SLC16A7: variants seen among roughly 807,000 people sequenced by gnomAD.
SLC16A7 encodes monocarboxylate transporter 2.
A neutral mutation model predicts 34.9 loss-of-function variants in SLC16A7; 33 were observed. The observed-to-expected ratio is 0.94, with a 90% CI of 0.72 to 1.26. The LOEUF (loss-of-function observed/expected upper bound fraction) is 1.26, where lower values mean the gene tolerates loss of function less well. Among genes scored for constraint, SLC16A7 ranks in the 50% most tolerant of loss-of-function variants. The pLI is 0.00. For missense variants in SLC16A7, 573 were observed against 578.1 expected, an observed-to-expected ratio of 0.99 and a Z score of 0.09; for synonymous variants, 201 against 206.6, an observed-to-expected ratio of 0.97 and a Z score of 0.23.
intron 1 of SLC16A7, among the ~76,000 whole-genome samples, chr12:59,604,270 T>C (rs1878829388): frequency 6.6e-6 from 1 of 152,268 alleles, no homozygotes; most frequent in Non-Finnish European, 1.5e-5. Context: ...TATAGCGATC[T>C]ACCTCTGGGA....
chr12:59,751,444 A>G (rs1410167460), intron 3 of SLC16A7, among the ~76,000 whole-genome samples: 2 of 152,226 alleles, frequency 1.3e-5, no homozygotes, highest in Non-Finnish European at 2.9e-5. Flanking sequence ...GTGCACCAGG[A>G]GATTATATCC....
intron 3 of SLC16A7, among the ~76,000 whole-genome samples, chr12:59,730,833 C>A (rs1266554906): frequency 6.6e-6 from 1 of 152,120 alleles, no homozygotes; most frequent in African/African-American, 2.4e-5. Context: ...AAGAAAGTTT[C>A]ATGGTCTCTG....
rs1172823800 is a variant in SLC16A7 at position 59,775,149 on chromosome 12, TG to T, written c.855del (p.Leu286TyrfsTer15). Reference sequence around the variant, plus strand: ...ATTGATGAGTACTCGGCAGCTTTTCTGCTATCTGTTATGGCTTTCGTTGATA... The same window carrying T: ...ATTGATGAGTACTCGGCAGCTTTTCTCTATCTGTTATGGCTTTCGTTGATA... ...QGIDEYSAAF[L>X]LSVMAFVDMF... On this transcript the variant is annotated frameshift_variant, in exon 5 of 6. Transcript: ENST00000547379. LOFTEE classifies it high-confidence loss of function. 2 of 1,614,042 alleles carry T rather than the reference TG, an allele frequency of 1.2e-6. No homozygotes were observed. The highest frequency in any genetic ancestry group is 1.7e-6 in the Non-Finnish European group (2 of 1,180,032).
chr12:59,603,414 C>T (rs542914476), intron 1 of SLC16A7, among the ~76,000 whole-genome samples: 4 of 152,256 alleles, frequency 2.6e-5, no homozygotes, highest in Non-Finnish European at 5.9e-5. Context: ...CCTCATGCCT[C>T]GTTCATTCTC....
At chr12:59,648,600 G>C (rs1381066323) in intron 1 of SLC16A7, among the ~76,000 whole-genome samples, 1 of 152,080 alleles carries the variant, frequency 6.6e-6, no homozygotes, top group Non-Finnish European at 1.5e-5. Context: ...AAGAAACATT[G>C]CAGCTGAACA....
chr12:59,753,103 A>G (rs890265704), intron 3 of SLC16A7, among the ~76,000 whole-genome samples: 1 of 152,200 alleles, frequency 6.6e-6, no homozygotes, highest in Non-Finnish European at 1.5e-5. Context: ...CTCCTGAAGG[A>G]AGCACTAAAC....
intron 2 of SLC16A7, among the ~76,000 whole-genome samples, chr12:59,682,171 T>C (rs754299309): frequency 6.6e-5 from 10 of 152,306 alleles, no homozygotes; most frequent in Non-Finnish European, 1.3e-4. Context: ...CTAAATCCAT[T>C]GAGTAGATCT....
rs138575165 is a variant in SLC16A7 at position 59,705,295 on chromosome 12, G to A, written c.217+277G>A. 1.4e-3 allele frequency among the ~76,000 whole-genome samples: 213 copies of A among 152,204 alleles called. 1 individual carries two copies. The highest frequency in any genetic ancestry group is 6.8e-3 in the Middle Eastern group (2 of 294). On this transcript the variant is annotated intron_variant, in intron 3 of 5. Transcript: ENST00000547379. Reference sequence around the variant, plus strand: ...ACTAAATTATGGAATTTCTAAGTGAGGCTACTTCATTTAGTTTGAAATAAA... The same window carrying A: ...ACTAAATTATGGAATTTCTAAGTGAAGCTACTTCATTTAGTTTGAAATAAA...
intron 1 of SLC16A7, among the ~76,000 whole-genome samples, chr12:59,611,012 C>T (rs563003891): frequency 6.6e-6 from 1 of 152,272 alleles, no homozygotes; most frequent in East Asian, 1.9e-4. Flanking sequence ...TTCTGATTCA[C>T]AGATAGCAGT....
intron 2 of SLC16A7, among the ~76,000 whole-genome samples, chr12:59,700,231 T>G (rs61933764): frequency 9.9e-5 from 15 of 151,672 alleles, no homozygotes; most frequent in African/African-American, 2.7e-4. Context: ...AAACCTATCC[T>G]TGTTTTTCTA....
chr12:59,779,459 T>G lies in SLC16A7; in HGVS notation c.1217T>G (p.Met406Arg). 1 of 1,610,192 alleles carries G rather than the reference T, an allele frequency of 6.2e-7. No individual in the cohort carries two copies. Among genetic ancestry groups the G allele is most frequent in the Non-Finnish European group, 8.5e-7 (1 of 1,177,422 alleles). ...LVDLTGEYKY[M>R]YMSCGAIVVA... ...GATTTAACTGGAGAATATAAATACATGTACATGTCCTGTGGGGCTATTGTG... is the reference window on the plus strand; with the variant it reads ...GATTTAACTGGAGAATATAAATACAGGTACATGTCCTGTGGGGCTATTGTG... Residue 406 changes from methionine to arginine, a missense_variant, in exon 6 of 6, where the codon ATG (methionine) becomes AGG (arginine). Physicochemically the swap from Met to Arg is moderately conservative, Grantham distance 91. Transcript: ENST00000547379.
intron 1 of SLC16A7, among the ~76,000 whole-genome samples, chr12:59,642,586 T>G (rs1880734304): frequency 6.6e-6 from 1 of 152,076 alleles, no homozygotes; most frequent in Non-Finnish European, 1.5e-5. Flanking sequence ...AGAATGAAGA[T>G]GGATCTGATT....
chr12:59,680,878 G>A (rs1870693493), intron 2 of SLC16A7, among the ~76,000 whole-genome samples: 1 of 152,122 alleles, frequency 6.6e-6, no homozygotes, highest in South Asian at 2.1e-4. Context: ...TGAATTCTCT[G>A]TAAATTCCTC....
At chr12:59,673,909 TCTTTC>T (rs1870094491) in intron 2 of SLC16A7, among the ~76,000 whole-genome samples, 1 of 152,276 alleles carries the variant, frequency 6.6e-6, no homozygotes, top group South Asian at 2.1e-4. Flanking sequence ...ATTTTTTTAC[TCTTTC>T]CTTGTCACTT....
chr12:59,682,352 T>C (rs1870808326), intron 2 of SLC16A7, among the ~76,000 whole-genome samples: 1 of 152,162 alleles, frequency 6.6e-6, no homozygotes, highest in African/African-American at 2.4e-5. Context: ...TTATAAAAAA[T>C]AATTTTATGA....
At chr12:59,675,164 CA>C (rs2137061044) in intron 2 of SLC16A7, among the ~76,000 whole-genome samples, 1 of 152,308 alleles carries the variant, frequency 6.6e-6, no homozygotes, top group East Asian at 1.9e-4. Context: ...CTCAAATGCA[CA>C]AATGGTTTCA....
At chr12:59,764,428 C>T (rs1881352326) in intron 3 of SLC16A7, among the ~76,000 whole-genome samples, 1 of 151,844 alleles carries the variant, frequency 6.6e-6, no homozygotes, top group Non-Finnish European at 1.5e-5. Flanking sequence ...GTGTGCTGCG[C>T]CCATTAACTC....
chr12:59,681,929 A>G (rs1387831660), intron 2 of SLC16A7, among the ~76,000 whole-genome samples: 2 of 151,660 alleles, frequency 1.3e-5, no homozygotes, highest in Admixed American at 6.6e-5. Context: ...AGCCAATTAG[A>G]GTCCTGAGAC....
intron 3 of SLC16A7, among the ~76,000 whole-genome samples, chr12:59,723,066 A>C (rs1471050768): frequency 6.6e-6 from 1 of 151,924 alleles, no homozygotes; most frequent in Non-Finnish European, 1.5e-5. Context: ...CCCCCACTGG[A>C]ATATAAATAT....
Sources: gnomAD v4.1 joint callset for allele counts (sites outside exome capture counted in the v4.1 genomes callset) on GRCh38, gnomAD v4.1.1 for gene constraint, MANE v1.5 for transcripts, NCBI Gene and HGNC (gene_info 2026-07-23, HGNC 2026-07-21) for gene names.